LPP: variants seen among roughly 807,000 people sequenced by gnomAD.
LPP encodes lipoma-preferred partner.
Under a neutral mutation model 60.4 loss-of-function variants are expected in LPP, and 38 were observed. That is an observed-to-expected ratio of 0.63 (90% CI 0.49 to 0.83). The LOEUF (loss-of-function observed/expected upper bound fraction) is 0.83. Ranked by LOEUF, LPP falls within the 40% of genes least tolerant of loss-of-function variation. The pLI is 0.00. For synonymous variants in LPP, 328 were observed against 290.8 expected (o/e 1.13, Z -1.30); for missense variants, 902 against 783.6 (o/e 1.15, Z -1.80).
At chr3:188,174,632 A>G (rs1378123746) in intron 1 of LPP, among the ~76,000 whole-genome samples, 1 of 152,112 alleles carries the variant, frequency 6.6e-6, no homozygotes, top group Non-Finnish European at 1.5e-5. Flanking sequence ...TTATCCTGCC[A>G]TTTATGGTCT....
At chr3:188,416,465 A>G (rs1786299499) in intron 4 of LPP, among the ~76,000 whole-genome samples, 1 of 152,186 alleles carries the variant, frequency 6.6e-6, no homozygotes, top group South Asian at 2.1e-4. Context: ...TGCTCAACCA[A>G]CGTTTGGGAA....
chr3:188,525,018 G>A (rs1197218229), intron 6 of LPP, among the ~76,000 whole-genome samples: 8 of 143,354 alleles, frequency 5.6e-5, no homozygotes, highest in Non-Finnish European at 7.5e-5. Flanking sequence ...CCAGGCCGGA[G>A]TGCAATGGCA....
At chr3:188,403,872 T>A (rs1400435088) in intron 3 of LPP, among the ~76,000 whole-genome samples, 1 of 152,154 alleles carries the variant, frequency 6.6e-6, no homozygotes, top group Non-Finnish European at 1.5e-5. Flanking sequence ...TGTCTTTGTG[T>A]GTGTGTATAT....
At chr3:188,589,012 T>C (rs1838095833) in intron 6 of LPP, among the ~76,000 whole-genome samples, 1 of 152,076 alleles carries the variant, frequency 6.6e-6, no homozygotes, top group Non-Finnish European at 1.5e-5. Context: ...GTGTGTGGAC[T>C]TCTTGAGTCC....
intron 1 of LPP, among the ~76,000 whole-genome samples, chr3:188,218,922 G>A (rs1714716888): frequency 6.6e-6 from 1 of 152,062 alleles, no homozygotes; most frequent in Admixed American, 6.6e-5. Flanking sequence ...AAACAATTTG[G>A]CACAAAAAGA....
At chr3:188,686,948 G>A (rs943945757) in intron 7 of LPP, among the ~76,000 whole-genome samples, 2 of 152,200 alleles carry the variant, frequency 1.3e-5, no homozygotes, top group Non-Finnish European at 2.9e-5. Flanking sequence ...GGGGCTTTAA[G>A]ACTTCAACTT....
intron 5 of LPP, among the ~76,000 whole-genome samples, chr3:188,518,205 A>C (rs541683626): frequency 3.8e-5 from 4 of 105,782 alleles, no homozygotes; most frequent in African/African-American, 1.3e-4. Context: ...TTGTTACTTA[A>C]AAAGCACACA....
At chr3:188,707,058 A>G (rs1255110849) in intron 7 of LPP, among the ~76,000 whole-genome samples, 1 of 152,036 alleles carries the variant, frequency 6.6e-6, no homozygotes, top group African/African-American at 2.4e-5. Flanking sequence ...CCTTTTTTAC[A>G]TACTTTTTAT....
chr3:188,195,574 A>G (rs1050336386), intron 1 of LPP, among the ~76,000 whole-genome samples: 1 of 152,246 alleles, frequency 6.6e-6, no homozygotes, highest in African/African-American at 2.4e-5. Context: ...AAGTTAAATT[A>G]GAATGACATA....
intron 5 of LPP, among the ~76,000 whole-genome samples, chr3:188,516,606 A>C (rs1314823896): frequency 6.6e-6 from 1 of 151,646 alleles, no homozygotes; most frequent in African/African-American, 2.4e-5. Flanking sequence ...CCCCTGCCCC[A>C]CACACTTAAA....
chr3:188,818,818 G>A (rs895880334), intron 9 of LPP, among the ~76,000 whole-genome samples: 2 of 152,148 alleles, frequency 1.3e-5, no homozygotes, highest in Non-Finnish European at 2.9e-5. Flanking sequence ...TATATGTGAA[G>A]TGCCCAACTC....
chr3:188,521,258 G>C (rs1453489890), intron 5 of LPP, among the ~76,000 whole-genome samples: 1 of 152,142 alleles, frequency 6.6e-6, no homozygotes, highest in East Asian at 1.9e-4. Context: ...GTGATAAATT[G>C]CATCAACCTA....
At chr3:188,248,472 A>T (rs1727855732) in intron 2 of LPP, among the ~76,000 whole-genome samples, 1 of 122,642 alleles carries the variant, frequency 8.2e-6, no homozygotes, top group Non-Finnish European at 1.7e-5. Flanking sequence ...ATAACTTTAT[A>T]TATATATATA....
At chr3:188,614,213 T>C (rs1373375417) in intron 7 of LPP, among the ~76,000 whole-genome samples, 1 of 151,444 alleles carries the variant, frequency 6.6e-6, no homozygotes, top group African/African-American at 2.5e-5. Context: ...ACAGGTGTGA[T>C]CCCACCATGC....
At position 188,888,679 on chromosome 3, in the gene LPP, A is replaced by G. The variant is rs1770947163; in HGVS notation, c.*14200A>G. The stretch of plus-strand genomic sequence containing the variant: ...CCTTACATATGTATGTACACACGGT[A>G]CCCAGAGTCGTACTGTGCAGCCTTC... On this transcript the variant is annotated 3_prime_UTR_variant, in exon 12 of 12. Coordinates refer to ENST00000617246, the MANE Select transcript of LPP (RefSeq NM_001375462.1). 4.5e-6 allele frequency: 1 copy of G among 220,942 alleles called. No homozygotes were observed. Among genetic ancestry groups the G allele is most frequent in the Non-Finnish European group, 9.1e-6 (1 of 110,324 alleles). 13.7% of individuals were successfully genotyped at this position (220,942 alleles called of 1,614,324 possible).
intron 9 of LPP, among the ~76,000 whole-genome samples, chr3:188,784,068 C>T (rs376644615): frequency 7.9e-5 from 12 of 152,066 alleles, no homozygotes; most frequent in East Asian, 7.7e-4. Flanking sequence ...TTTTATCCCT[C>T]GTCCCCCTTC....
At chr3:188,446,174 G>A (rs1460835206) in intron 4 of LPP, among the ~76,000 whole-genome samples, 1 of 152,180 alleles carries the variant, frequency 6.6e-6, no homozygotes, top group Non-Finnish European at 1.5e-5. Context: ...TAAATGACTA[G>A]AAACAGCTCT....
At chr3:188,730,680 A>T (rs1172999912) in intron 8 of LPP, among the ~76,000 whole-genome samples, 1 of 152,194 alleles carries the variant, frequency 6.6e-6, no homozygotes, top group Non-Finnish European at 1.5e-5. Flanking sequence ...GATACCTCTA[A>T]ACTTAGGCCT....
At chr3:188,502,953 A>G (rs1477130278) in intron 5 of LPP, among the ~76,000 whole-genome samples, 1 of 152,130 alleles carries the variant, frequency 6.6e-6, no homozygotes, top group Non-Finnish European at 1.5e-5. Context: ...TTACACCATC[A>G]TATGGTAAAA....
Sources: gnomAD v4.1 joint callset for allele counts (sites outside exome capture counted in the v4.1 genomes callset) on GRCh38, gnomAD v4.1.1 for gene constraint, MANE v1.5 for transcripts, NCBI Gene and HGNC (gene_info 2026-07-23, HGNC 2026-07-21) for gene names.